INTS6: variants seen among roughly 807,000 people sequenced by gnomAD.
The protein encoded by INTS6 is DEAD box protein.
INTS6 carries 16 observed loss-of-function variants against 104.9 expected under a neutral mutation model. That is an observed-to-expected ratio of 0.15 (90% CI 0.10 to 0.23). The LOEUF is 0.23. INTS6 is among the 10% of genes least tolerant of loss of function. INTS6 has a pLI of 1.00. For missense variants in INTS6, 584 were observed against 1,062.8 expected (o/e 0.55, Z 6.26); for synonymous variants, 324 against 358.7 (o/e 0.90, Z 1.09).
intron 10 of INTS6, among the ~76,000 whole-genome samples, chr13:51,380,257 A>G (rs991266368): frequency 1.2e-4 from 19 of 152,268 alleles, no homozygotes; most frequent in Admixed American, 1.2e-3. Context: ...AAGTTAAAAA[A>G]AACTTTCAAT....
At chr13:51,437,247 GTC>G (rs1349649448) in intron 3 of INTS6, 1 of 152,148 alleles carries the variant, frequency 6.6e-6, no homozygotes, top group African/African-American at 2.4e-5. Flanking sequence ...AATCTGTCTA[GTC>G]TCTCAAGATT....
intron 4 of INTS6, among the ~76,000 whole-genome samples, chr13:51,400,651 G>GA (rs1282412290): frequency 6.6e-6 from 1 of 151,892 alleles, no homozygotes; most frequent in South Asian, 2.1e-4. Flanking sequence ...TACATGGAAG[G>GA]AAAAAAAGGC....
Position 51,430,345 on chromosome 13 carries a change from G to T in INTS6, c.378C>A (p.Ile126=), listed in dbSNP as rs1290150490. The T allele has an allele frequency of 2.5e-6, 4 of 1,612,776 alleles. No homozygotes were observed. In the African/African-American group the frequency reaches 5.3e-5, roughly 22 times the overall value. ...TCAACTTGCTCCCATCAGTAATTGT[G>T]ATAATTATTGCTGGCTCCAAGAAAA... ...NPFFLEPAII[I]TITDGSKLTT... Residue 126 remains isoleucine, a synonymous_variant, in exon 4 of 18, where the codon ATC becomes ATA. Coordinates refer to ENST00000311234, the MANE Select transcript of INTS6 (RefSeq NM_012141.3).
chr13:51,430,540 C>T (rs9535665), intron 3 of INTS6, among the ~76,000 whole-genome samples, 157 bp from the exon 4 acceptor site: 17,903 of 152,028 alleles, frequency 0.12, 1,322 homozygotes, highest in South Asian at 0.21. Flanking sequence ...AGATATAGAA[C>T]GACACATAAA....
At chr13:51,336,606 G>A in the INTS6 span, among the ~76,000 whole-genome samples, 5 of 152,198 alleles carry the variant, frequency 3.3e-5, no homozygotes, top group Non-Finnish European at 5.9e-5. Flanking sequence ...AAAGGACCTC[G>A]ATGGTCCTTT....
the INTS6 span, among the ~76,000 whole-genome samples, chr13:51,345,896 T>C: frequency 3.3e-5 from 5 of 152,116 alleles, no homozygotes; most frequent in Non-Finnish European, 5.9e-5. Context: ...GAGCACAGAG[T>C]CCAGAGCCAG....
intron 3 of INTS6, chr13:51,437,288 A>T (rs1952708961): frequency 1.3e-5 from 2 of 152,196 alleles, no homozygotes; most frequent in African/African-American, 4.8e-5. Context: ...ACTGCTACAA[A>T]ATCTACAGAT....
rs1186487003 is a variant in INTS6 at position 51,403,090 on chromosome 13, AT to A, written c.430-7608del. Among the ~76,000 whole-genome samples, 68 of 152,332 alleles carry A rather than the reference AT, an allele frequency of 4.5e-4. 1 individual carries two copies. The Middle Eastern group carries it at 0.01, about 23-fold the overall frequency. ...AAAATCTCAGATAACCAAAATTCTC[AT>A]ACATTATTACTTATTTTTTAAACTG... On this transcript the variant is annotated intron_variant, in intron 4 of 17. Coordinates refer to ENST00000311234, the MANE Select transcript of INTS6 (RefSeq NM_012141.3).
At chr13:51,406,700 C>G (rs1956573847) in intron 4 of INTS6, among the ~76,000 whole-genome samples, 1 of 152,090 alleles carries the variant, frequency 6.6e-6, no homozygotes, top group Non-Finnish European at 1.5e-5. Context: ...AATAATATTA[C>G]TCAGCATGGT....
chr13:51,376,120 A>G lies in INTS6; in HGVS notation c.1657T>C (p.Leu553=), dbSNP rs771959247. The stretch of plus-strand genomic sequence containing the variant: ...GATCTCATTCTTGTTAAGTGATCCA[A>G]AAGATTTCGTCTTGGTATGTCATAA... ...NAYDIPRRNL[L]DHLTRMRSNL... is the part of the protein sequence containing the mutation. Residue 553 remains leucine, a synonymous_variant, in exon 13 of 18, where the codon TTG becomes CTG. Coordinates refer to ENST00000311234, the MANE Select transcript of INTS6 (RefSeq NM_012141.3). 1.2e-5 allele frequency: 20 copies of G among 1,612,470 alleles called. No individual in the cohort carries two copies. The highest frequency in any genetic ancestry group is 5.0e-5 in the Admixed American group (3 of 59,896).
intron 7 of INTS6, 29 bp downstream of exon 7, chr13:51,387,357 A>G: frequency 1.3e-6 from 2 of 1,580,594 alleles, no homozygotes; most frequent in Non-Finnish European, 1.7e-6. Context: ...AATGGTTACT[A>G]TTACATAGTT....
chr13:51,441,757 TTAAAG>T (rs1430459858), intron 3 of INTS6: 4 of 151,872 alleles, frequency 2.6e-5, no homozygotes, highest in African/African-American at 7.3e-5. Context: ...AATCTAGGCC[TTAAAG>T]TAATTACAGT....
chr13:51,395,746 G>A (rs563125342), intron 4 of INTS6, among the ~76,000 whole-genome samples: 1 of 152,140 alleles, frequency 6.6e-6, no homozygotes, highest in East Asian at 1.9e-4. Context: ...TTAATTACTG[G>A]GTGCTGAATT....
intron 4 of INTS6, among the ~76,000 whole-genome samples, chr13:51,410,534 TTCCTCCC>T (rs1231322466): frequency 6.6e-6 from 1 of 152,162 alleles, no homozygotes; most frequent in African/African-American, 2.4e-5. Flanking sequence ...CCTCAACACT[TTCCTCCC>T]ATCATACACA....
At chr13:51,429,763 C>CAA (rs35873020) in intron 4 of INTS6, among the ~76,000 whole-genome samples, 208 of 26,716 alleles carry the variant, frequency 7.8e-3, no homozygotes, top group South Asian at 9.7e-3. Flanking sequence ...GACTCTGTCT[C>CAA]AAAAAAAAAA....
intron 4 of INTS6, among the ~76,000 whole-genome samples, chr13:51,405,902 A>C (rs1177780216): frequency 1.3e-5 from 2 of 152,192 alleles, no homozygotes; most frequent in Non-Finnish European, 2.9e-5. Flanking sequence ...AAGTTTTGGG[A>C]TGACTTGTTA....
At chr13:51,432,757 G>C (rs1957117554) in intron 3 of INTS6, among the ~76,000 whole-genome samples, 1 of 152,150 alleles carries the variant, frequency 6.6e-6, no homozygotes, top group South Asian at 2.1e-4. Flanking sequence ...TGGGCTACTA[G>C]AGTATAAAAA....
At chr13:51,371,879 C>T (rs1453936629) in intron 15 of INTS6, among the ~76,000 whole-genome samples, 2 of 152,118 alleles carry the variant, frequency 1.3e-5, no homozygotes, top group Non-Finnish European at 2.9e-5. Flanking sequence ...CACCCTCGCC[C>T]CACTTCCCCC....
At chr13:51,369,422 G>T (rs1296535290) in intron 15 of INTS6, 112 bp from the exon 16 acceptor site, 13 of 1,057,266 alleles carry the variant, frequency 1.2e-5, no homozygotes, top group Non-Finnish European at 1.6e-5. Context: ...CTTGACTAAT[G>T]CAAGTTAACA....
Sources: allele counts gnomAD v4.1 joint callset (sites outside exome capture counted in the v4.1 genomes callset), GRCh38; gene constraint gnomAD v4.1.1; transcripts MANE v1.5; gene names NCBI Gene and HGNC (gene_info 2026-07-23, HGNC 2026-07-21).